The following HSPG2 variants were observed in gnomAD, a reference collection of about 807,000 sequenced individuals.
HSPG2 encodes the protein heparan sulfate proteoglycan 2, also known as basement membrane-specific heparan sulfate proteoglycan core protein.
A neutral mutation model predicts 526.6 loss-of-function variants in HSPG2; 278 were observed. The observed-to-expected ratio is 0.53, with a 90% confidence interval of 0.48 to 0.58. The LOEUF is 0.58. Ranked by LOEUF, HSPG2 falls within the 20% of genes least tolerant of loss-of-function variation. HSPG2 has a pLI of 0.00. For missense variants in HSPG2, 5,354 were observed against 6,099.5 expected (o/e 0.88, Z 4.07); for synonymous variants, 2,465 against 2,555.4 (o/e 0.96, Z 1.07).
chr1:21,934,879 G>GC (rs1018985751), intron 1 of HSPG2, among the ~76,000 whole-genome samples: 27 of 151,968 alleles, frequency 1.8e-4, no homozygotes, highest in African/African-American at 6.5e-4. Flanking sequence ...ACTGGCGTGT[G>GC]CCACCGCGCC....
chr1:21,891,325 A>T (rs1369729300), intron 3 of HSPG2, among the ~76,000 whole-genome samples: 1 of 152,188 alleles, frequency 6.6e-6, no homozygotes, highest in Non-Finnish European at 1.5e-5. Context: ...GGGGATATTG[A>T]CTGCATGTAC....
chr1:21,855,920 G>T lies in HSPG2; in HGVS notation c.5576-8C>A. ...CGGACAAGGTGCCCGAGGCTGACAA[G>T]GGAGGAAAAGGAACATGCACTCAGG... On this transcript the variant is annotated splice_polypyrimidine_tract_variant and splice_region_variant and intron_variant, in intron 44 of 96. Coordinates refer to ENST00000374695, the MANE Select transcript of HSPG2 (RefSeq NM_005529.7). The T allele has an allele frequency of 6.2e-7, 1 of 1,607,030 alleles. No homozygotes were observed. The highest frequency in any genetic ancestry group is 1.1e-5 in the South Asian group (1 of 91,046).
rs1557757698 is a variant in HSPG2, at chr1:21,872,914, T to G, written c.3888+83A>C. On this transcript the variant is annotated intron_variant, in intron 31 of 96. Transcript: ENST00000374695. This position sits in a 1 kb window ranked among gnomAD's most constrained non-coding sequence, Gnocchi z 5.5. ...TGCCCCCCATGCCCAGGTCTCGGCTTCCACCAGATGCTGCCTGATTTCCCC... is the reference window on the plus strand; with the variant it reads ...TGCCCCCCATGCCCAGGTCTCGGCTGCCACCAGATGCTGCCTGATTTCCCC... 1 of 1,549,310 alleles carries G rather than the reference T, an allele frequency of 6.5e-7. No individual in the cohort carries two copies.
intron 64 of HSPG2, 151 bp downstream of exon 64, chr1:21,845,957 G>T: frequency 1.1e-6 from 1 of 935,080 alleles, no homozygotes. Context: ...CTTGGTCCTG[G>T]GACCGTGTGG....
chr1:21,932,290 G>GT (rs922731392), intron 1 of HSPG2, among the ~76,000 whole-genome samples: 5 of 152,166 alleles, frequency 3.3e-5, no homozygotes, highest in Non-Finnish European at 5.9e-5. Context: ...AGTACGTGGC[G>GT]TGATTAGGAG....
rs1049522944 is a variant in HSPG2, at chr1:21,828,737, A to C, written c.12237+98T>G. ...TGGCCCAGGGCCCGTGGGTGGCTGC[A>C]GGTGGAGGGGCCCAATGCCAAGGTG... On this transcript the variant is annotated intron_variant, in intron 88 of 96. Transcript: ENST00000374695. The surrounding 1 kb of genome is among the most constrained non-coding windows in gnomAD (Gnocchi z 6.0). 3.2e-5 allele frequency: 48 copies of C among 1,506,278 alleles called. 1 individual carries two copies. The South Asian group carries it at 5.6e-4, about 17-fold the overall frequency. The allele number at this position is 1,506,278 out of a possible 1,614,324, so 93.3% of individuals were successfully genotyped here.
chr1:21,911,720 C>T (rs964477436), intron 1 of HSPG2, among the ~76,000 whole-genome samples: 5 of 152,134 alleles, frequency 3.3e-5, no homozygotes, highest in Non-Finnish European at 7.4e-5. Flanking sequence ...CTTGCAATTT[C>T]CCTGGTGCAC....
In HSPG2 at chr1:21,847,689, C is replaced by CAGG. The variant is rs1291117332; in HGVS notation, c.8024_8025insCCT (p.Gln2675delinsHisLeu). On this transcript the variant is annotated protein_altering_variant and splice_region_variant, in exon 61 of 97. Transcript: ENST00000374695. This position sits in a 1 kb window ranked among gnomAD's most constrained non-coding sequence, Gnocchi z 4.1. ...CCGCTGCTGTGGCTCCACTCTGTACCTGGTGTCGGGAGGGAAGGCTGCCCC... is the reference window on the plus strand; with the variant it reads ...CCGCTGCTGTGGCTCCACTCTGTACCAGGTGGTGTCGGGAGGGAAGGCTGCCCC... The CAGG allele has an allele frequency of 6.2e-7, 1 of 1,607,340 alleles. No homozygotes were observed. Among genetic ancestry groups the CAGG allele is most frequent in the South Asian group, 1.1e-5 (1 of 90,166 alleles).
rs1354472070 is a variant in HSPG2, at chr1:21,874,430, CA to C, written c.3631del (p.Cys1211AlafsTer63). On this transcript the variant is annotated frameshift_variant, in exon 28 of 97. Coordinates refer to ENST00000374695, the MANE Select transcript of HSPG2 (RefSeq NM_005529.7). LOFTEE classifies it high-confidence loss of function. Reference sequence around the variant, plus strand: ...CTGGCCGGCAGCAGGGTCTCCGTAGCAGGGGCACAGCTGGCAGTCCTGTGGT... The same window carrying C: ...CTGGCCGGCAGCAGGGTCTCCGTAGCGGGGCACAGCTGGCAGTCCTGTGGT... Reference protein sequence around the residue: ...GTPQDCQLCPCYGDPAAGQAA... With the variant: ...GTPQDCQLCPXYGDPAAGQAA... 6.2e-7 allele frequency: 1 copy of C among 1,611,744 alleles called. No homozygotes were observed. The highest frequency in any genetic ancestry group is 1.7e-5 in the Admixed American group (1 of 59,980).
In HSPG2 at chr1:21,876,250, A is replaced by C; in HGVS notation, c.2982T>G (p.Pro994=). The C allele has an allele frequency of 6.2e-7, 1 of 1,612,148 alleles. No homozygotes were observed. The highest frequency in any genetic ancestry group is 2.2e-5 in the East Asian group (1 of 44,828). The part of the protein sequence containing the change: ...LLSGPYFWSL[P]SRFLGDKVTS... ...CCACCTTGTCCCCCAGGAAGCGTGA[A>C]GGGAGGCTCCAGAAGTAGGGTCCAG... Residue 994 remains proline (P), a synonymous_variant, in exon 23 of 97, where the codon CCT becomes CCG. Transcript: ENST00000374695.
Position 21,885,042 on chromosome 1 carries a change from G to A in HSPG2, c.1326C>T (p.Leu442=), listed in dbSNP as rs745322380. 6.2e-7 allele frequency: 1 copy of A among 1,613,920 alleles called. No homozygotes were observed. Among genetic ancestry groups the A allele is most frequent in the South Asian group, 1.1e-5 (1 of 91,088 alleles). ...GATGAGAGGGGATGTGGCCCCAGTT[G>A]AGCCTCCAATTGATGATGGGGGTGG... ...GVPTPIINWR[L]NWGHIPSHPR... is the part of the protein sequence containing the mutation. The change falls in exon 11 of 97, where the codon CTC becomes CTT. Residue 442 remains leucine, a synonymous_variant. Transcript: ENST00000374695.
In HSPG2 at chr1:21,848,794, G is replaced by C; in HGVS notation, c.7586C>G (p.Ser2529Cys). 6.2e-7 allele frequency: 1 copy of C among 1,613,662 alleles called. No individual in the cohort carries two copies. The highest frequency in any genetic ancestry group is 8.5e-7 in the Non-Finnish European group (1 of 1,179,974). The change falls in exon 59 of 97, where the codon TCC (serine) becomes TGC (cysteine). Residue 2529 changes from serine (S) to cysteine (C), a missense_variant and splice_region_variant. By Grantham distance (112) the Ser-to-Cys change is moderately radical (BLOSUM62 -1). Coordinates refer to ENST00000374695, the MANE Select transcript of HSPG2 (RefSeq NM_005529.7). The surrounding 1 kb of genome is among the most constrained non-coding windows in gnomAD (Gnocchi z 4.9). Reference sequence around the variant, plus strand: ...GCGGACGGGGTACGCCACACCCTGGGCTGGGAGGGTGAGATGTAAGGCAGG... The same window carrying C: ...GCGGACGGGGTACGCCACACCCTGGCCTGGGAGGGTGAGATGTAAGGCAGG... ...TIQQRLSGSH[S>C]QGVAYPVRIE...
rs745412306 is a variant in HSPG2 at position 21,864,870 on chromosome 1, C to T, written c.4599G>A (p.Pro1533=). Residue 1533 remains proline (P), a synonymous_variant, in exon 36 of 97, where the codon CCG becomes CCA. Transcript: ENST00000374695. The surrounding 1 kb of genome is among the most constrained non-coding windows in gnomAD (Gnocchi z 4.8). ...GGCAGGACAGACCGATGTAGCCTGG[C>T]GGGCAGCGGCACTCCTCCACCTCGA... ...RALEVEECRC[P]PGYIGLSCQD... The T allele has an allele frequency of 1.9e-5, 30 of 1,610,334 alleles. No individual in the cohort carries two copies. The highest frequency in any genetic ancestry group is 1.3e-4 in the South Asian group (12 of 90,572).
In HSPG2 at chr1:21,865,569, G is replaced by A. The variant is rs532117969; in HGVS notation, c.4314+148C>T. On this transcript the variant is annotated intron_variant, in intron 34 of 96. Coordinates refer to ENST00000374695, the MANE Select transcript of HSPG2 (RefSeq NM_005529.7). The surrounding 1 kb of genome is among the most constrained non-coding windows in gnomAD (Gnocchi z 5.4). ...CCTCTGCTTGGGTAGTGTCCAACCA[G>A]GCAGGGATGTGGGGGCATGGGCCTA... The A allele has an allele frequency of 1.3e-4, 109 of 871,026 alleles. No individual in the cohort carries two copies. Among genetic ancestry groups the A allele is most frequent in the Non-Finnish European group, 2.0e-4 (102 of 519,762 alleles). 54.0% of individuals were successfully genotyped at this position (871,026 alleles called of 1,614,324 possible).
In HSPG2 at chr1:21,844,242, C is replaced by T; in HGVS notation, c.8522G>A (p.Gly2841Glu). ...CACGCACTTCAGATCCAGGGTCTGC[C>T]CTTCTGCCACTCGGGAGGAGGAGGG... The part of the protein sequence containing the change: ...IEPSSSRVAE[G>E]QTLDLKCVVP... Residue 2841 changes from glycine (G) to glutamate (E), a missense_variant, in exon 65 of 97, where the codon GGG becomes GAG. Physicochemically the swap from Gly to Glu is moderately conservative, Grantham distance 98. Transcript: ENST00000374695. 3 of 1,613,740 alleles carry T rather than the reference C, an allele frequency of 1.9e-6. No homozygotes were observed. The highest frequency in any genetic ancestry group is 2.5e-6 in the Non-Finnish European group (3 of 1,180,018).
In HSPG2 at chr1:21,890,177, G is replaced by A. The variant is rs372895586; in HGVS notation, c.414-36C>T. 1.1e-5 allele frequency: 18 copies of A among 1,612,570 alleles called. No individual in the cohort carries two copies. In the African/African-American group the frequency reaches 1.7e-4, roughly 16 times the overall value. On this transcript the variant is annotated intron_variant, in intron 5 of 96. Transcript: ENST00000374695. The surrounding 1 kb of genome is among the most constrained non-coding windows in gnomAD (Gnocchi z 4.1). ...AGACAGGCAGGAGAGGAGGGTCAGC[G>A]AGACACCTGTGTTCTCAGCTCCTCC...
chr1:21,909,622 C>T (rs910573246), intron 1 of HSPG2, among the ~76,000 whole-genome samples: 1 of 152,232 alleles, frequency 6.6e-6, no homozygotes, highest in Non-Finnish European at 1.5e-5. Context: ...GACCATGACC[C>T]TTTGAAGCTG....
intron 1 of HSPG2, among the ~76,000 whole-genome samples, chr1:21,924,430 TGGTG>T (rs1644129656): frequency 6.6e-6 from 1 of 152,162 alleles, no homozygotes; most frequent in African/African-American, 2.4e-5. Context: ...ATTGGTGATA[TGGTG>T]GGCTCCTTGA....
rs1259204747 is a variant in HSPG2 at position 21,890,575 on chromosome 1, T to G, written c.354+10A>C. On this transcript the variant is annotated intron_variant, in intron 4 of 96. Coordinates refer to ENST00000374695, the MANE Select transcript of HSPG2 (RefSeq NM_005529.7). This position sits in a 1 kb window ranked among gnomAD's most constrained non-coding sequence, Gnocchi z 4.1. ...ACACCCGCGAGCTTCCCAAACCCCC[T>G]TCACCTCACCGTGTCTACCACAGCC... 6.2e-7 allele frequency: 1 copy of G among 1,610,772 alleles called. No individual in the cohort carries two copies. The highest frequency in any genetic ancestry group is 1.3e-5 in the African/African-American group (1 of 74,826).
Sources: allele counts gnomAD v4.1 joint callset (sites outside exome capture counted in the v4.1 genomes callset), GRCh38; gene constraint gnomAD v4.1.1; non-coding constraint Gnocchi (gnomAD v3.1); transcripts MANE v1.5; gene names NCBI Gene and HGNC (gene_info 2026-07-23, HGNC 2026-07-21).